The following DLC1 variants were observed in gnomAD, a reference collection of about 807,000 sequenced individuals.
DLC1 encodes the protein DLC1 Rho GTPase activating protein.
A neutral mutation model predicts 140.3 loss-of-function variants in DLC1; 54 were observed. The observed-to-expected ratio is 0.38, with a 90% CI of 0.31 to 0.48. The LOEUF (loss-of-function observed/expected upper bound fraction) is 0.48, where lower values mean the gene tolerates loss of function less well. Ranked by LOEUF, DLC1 falls within the 20% of genes least tolerant of loss-of-function variation. The pLI, the probability that DLC1 is intolerant of heterozygous loss-of-function variation, is 0.96. For missense variants in DLC1, 2,536 were observed against 1,907.0 expected, an observed-to-expected ratio of 1.33 and a Z score of -6.14; for synonymous variants, 986 against 728.1, an observed-to-expected ratio of 1.35 and a Z score of -5.70.
intron 5 of DLC1, among the ~76,000 whole-genome samples, chr8:13,212,839 C>G (rs1828011190): frequency 6.6e-6 from 1 of 152,050 alleles, no homozygotes; most frequent in South Asian, 2.1e-4. Flanking sequence ...AAGCAGAAGT[C>G]CAGAAATGTT....
At chr8:13,533,469 G>T (rs951135786) in intron 1 of DLC1, among the ~76,000 whole-genome samples, 10 of 152,128 alleles carry the variant, frequency 6.6e-5, no homozygotes, top group African/African-American at 2.4e-4. Flanking sequence ...GACTCAATAT[G>T]AACTACAACT....
rs973658082 is a variant in DLC1, at chr8:13,393,591, T to C, written c.1276A>G (p.Thr426Ala). ...DTESTDLPSS[T>A]PVANSGTKPK... is the part of the protein sequence containing the mutation. ...TTGGTTCCAGAATTGGCTACTGGAGTGGAAGATGGGAGGTCCGTGGACTCA... is the reference window on the plus strand; with the variant it reads ...TTGGTTCCAGAATTGGCTACTGGAGCGGAAGATGGGAGGTCCGTGGACTCA... Residue 426 changes from threonine (T) to alanine (A), a missense_variant, in exon 4 of 18, where the codon ACT becomes GCT. Physicochemically the swap from Thr to Ala is moderately conservative, Grantham distance 58. Transcript: ENST00000276297. The C allele has an allele frequency of 7.4e-6, 12 of 1,613,802 alleles. No individual in the cohort carries two copies. The highest frequency in any genetic ancestry group is 1.3e-5 in the African/African-American group (1 of 74,826).
intron 1 of DLC1, among the ~76,000 whole-genome samples, chr8:13,543,361 G>T (rs746861787): frequency 1.3e-5 from 2 of 152,082 alleles, no homozygotes; most frequent in South Asian, 4.1e-4. Context: ...AGACCTAATA[G>T]CTAGTGCAGT....
chr8:13,583,688 A>G (rs910106644), intron 1 of DLC1, among the ~76,000 whole-genome samples: 1 of 152,230 alleles, frequency 6.6e-6, no homozygotes, highest in Non-Finnish European at 1.5e-5. Context: ...TTAATTCTTT[A>G]GCGAAATATC....
chr8:13,090,183 G>T (rs576212583), intron 15 of DLC1, 69 bp downstream of exon 15: 3 of 1,454,672 alleles, frequency 2.1e-6, no homozygotes, highest in Non-Finnish European at 2.8e-6. Flanking sequence ...TGGCAAAAGC[G>T]TGTTATCTCT....
intron 5 of DLC1, among the ~76,000 whole-genome samples, chr8:13,207,334 T>A (rs1827715307): frequency 6.6e-6 from 1 of 152,208 alleles, no homozygotes; most frequent in Admixed American, 6.5e-5. Flanking sequence ...TTAGGCTAGA[T>A]AAAAATTTTG....
intron 3 of DLC1, 49 bp downstream of exon 3, chr8:13,401,421 C>G (rs772189802): frequency 2.5e-6 from 4 of 1,601,478 alleles, no homozygotes; most frequent in Non-Finnish European, 3.4e-6. Flanking sequence ...TGTATAAGGT[C>G]AAGAGTTACG....
chr8:13,189,637 C>T (rs1023253627), intron 5 of DLC1, among the ~76,000 whole-genome samples: 1 of 152,184 alleles, frequency 6.6e-6, no homozygotes, highest in East Asian at 1.9e-4. Context: ...AATCCCAGCA[C>T]TTTGGAAGGC....
At chr8:13,583,456 C>A (rs1348836020) in intron 1 of DLC1, among the ~76,000 whole-genome samples, 1 of 152,164 alleles carries the variant, frequency 6.6e-6, no homozygotes, top group African/African-American at 2.4e-5. Context: ...TCAGATTCCA[C>A]TTATAATTCT....
At chr8:13,188,290 C>T (rs933893653) in intron 5 of DLC1, among the ~76,000 whole-genome samples, 6 of 151,184 alleles carry the variant, frequency 4.0e-5, no homozygotes, top group Non-Finnish European at 7.4e-5. Flanking sequence ...CCACATTGGC[C>T]AGGCTGGTCT....
At chr8:13,373,116 A>G (rs564647147) in intron 4 of DLC1, among the ~76,000 whole-genome samples, 1 of 152,278 alleles carries the variant, frequency 6.6e-6, no homozygotes, top group African/African-American at 2.4e-5. Context: ...CCTAAGCTCA[A>G]GCATTCCTCC....
At chr8:13,588,235 C>T (rs1157791782) in intron 1 of DLC1, among the ~76,000 whole-genome samples, 1 of 152,030 alleles carries the variant, frequency 6.6e-6, no homozygotes, top group African/African-American at 2.4e-5. Context: ...TAGACAAACC[C>T]TGGTGCCCAG....
rs760440807 is a variant in DLC1 at position 13,088,572 on chromosome 8, C to T, written c.4207G>A (p.Glu1403Lys). 8 of 1,614,166 alleles carry T rather than the reference C, an allele frequency of 5.0e-6. No homozygotes were observed. Among genetic ancestry groups the T allele is most frequent in the Middle Eastern group, 1.6e-4 (1 of 6,062 alleles). Reference sequence around the variant, plus strand: ...ATTTCAGTTTGGCTGTCCAGAATTTCGATCACTTTTGAATCCAACAGGTCT... The same window carrying T: ...ATTTCAGTTTGGCTGTCCAGAATTTTGATCACTTTTGAATCCAACAGGTCT... ...DVDLLDSKVI[E>K]ILDSQTEIYQ... The change falls in exon 16 of 18, where the codon GAA (glutamate) becomes AAA (lysine). Residue 1403 changes from glutamate (E) to lysine (K), a missense_variant. Transcript: ENST00000276297.
chr8:13,566,785 G>A (rs979924531), intron 1 of DLC1: 27 of 652,102 alleles, frequency 4.1e-5, no homozygotes, highest in African/African-American at 1.8e-5. Context: ...GGAGCGCGGA[G>A]GAAAAGGCGG....
In DLC1 at chr8:13,375,463, A is replaced by G. The variant is rs567676119; in HGVS notation, c.1314+18090T>C. 2.5e-3 allele frequency among the ~76,000 whole-genome samples: 375 copies of G among 152,308 alleles called. 3 individuals carry two copies. Among genetic ancestry groups the G allele is most frequent in the African/African-American group, 8.6e-3 (358 of 41,570 alleles). ...ATCATGTCATCTGCAAACAGGGACAATTTGACTTCCTCTTTTCCTAATTGA... is the reference window on the plus strand; with the variant it reads ...ATCATGTCATCTGCAAACAGGGACAGTTTGACTTCCTCTTTTCCTAATTGA... On this transcript the variant is annotated intron_variant, in intron 4 of 17. Transcript: ENST00000276297.
chr8:13,573,112 G>A (rs1292024160), intron 1 of DLC1, among the ~76,000 whole-genome samples: 1 of 152,150 alleles, frequency 6.6e-6, no homozygotes, highest in East Asian at 1.9e-4. Flanking sequence ...GCACATTGAT[G>A]TCTTTACGTC....
chr8:13,414,879 C>T (rs560373539), intron 2 of DLC1, among the ~76,000 whole-genome samples: 60 of 151,944 alleles, frequency 3.9e-4, no homozygotes, highest in African/African-American at 1.4e-3. Flanking sequence ...GGCTCAATCT[C>T]GGCCCACTGC....
In DLC1 at chr8:13,110,759, G is replaced by A; in HGVS notation, c.1485C>T (p.Ala495=). ...KREHDFLDRD[A]IEALCRRLNT... ...CCATTTACCTGCATAGAGCCTCAAT[G>A]GCATCTCTGTCCAAAAAATCATGCT... is the stretch of plus-strand genomic sequence containing the variant. The change falls in exon 7 of 18, where the codon GCC becomes GCT. Residue 495 remains alanine (A), a synonymous_variant. Coordinates refer to ENST00000276297, the MANE Select transcript of DLC1 (RefSeq NM_182643.3). The A allele has an allele frequency of 6.2e-7, 1 of 1,613,900 alleles. No individual in the cohort carries two copies. Among genetic ancestry groups the A allele is most frequent in the South Asian group, 1.1e-5 (1 of 91,066 alleles).
chr8:13,188,618 T>G (rs1434420648), intron 5 of DLC1, among the ~76,000 whole-genome samples: 2 of 142,050 alleles, frequency 1.4e-5, no homozygotes, highest in East Asian at 4.0e-4. Flanking sequence ...TTTTTTTTTT[T>G]TTTTGAGACA....
Sources: allele counts gnomAD v4.1 joint callset (sites outside exome capture counted in the v4.1 genomes callset), GRCh38; gene constraint gnomAD v4.1.1; transcripts MANE v1.5; gene names NCBI Gene and HGNC (gene_info 2026-07-23, HGNC 2026-07-21).